GMDS: variants seen among roughly 807,000 people sequenced by gnomAD.
GMDS encodes GDP-mannose 4,6-dehydratase.
Under a neutral mutation model 49.9 loss-of-function variants are expected in GMDS, and 20 were observed. The ratio of observed to expected loss-of-function variants is 0.40; its 90% CI spans 0.28 to 0.58. The LOEUF is 0.58. GMDS is among the 20% of genes least tolerant of loss of function. GMDS has a pLI of 0.42. For missense variants in GMDS, 362 were observed against 481.4 expected (o/e 0.75, Z 2.32); for synonymous variants, 177 against 178.6 (o/e 0.99, Z 0.07).
chr6:2,178,390 G>T (rs1778378629), intron 1 of GMDS, among the ~76,000 whole-genome samples: 1 of 152,120 alleles, frequency 6.6e-6, no homozygotes, highest in Non-Finnish European at 1.5e-5. Context: ...CATGGCCAAA[G>T]CAGGAGGAAG....
At chr6:2,068,743 G>A (rs1434275292) in intron 4 of GMDS, among the ~76,000 whole-genome samples, 6 of 152,116 alleles carry the variant, frequency 3.9e-5, no homozygotes, top group Non-Finnish European at 8.8e-5. Flanking sequence ...AAAACTACAA[G>A]CCACTGCTCA....
chr6:1,683,941 C>T (rs368502960), intron 9 of GMDS, among the ~76,000 whole-genome samples: 1 of 150,206 alleles, frequency 6.7e-6, no homozygotes, highest in African/African-American at 2.4e-5. Context: ...CGCCCTCTAT[C>T]AGCTATGAGG....
At chr6:2,068,995 C>T (rs1771804467) in intron 4 of GMDS, among the ~76,000 whole-genome samples, 1 of 152,318 alleles carries the variant, frequency 6.6e-6, no homozygotes, top group East Asian at 1.9e-4. Context: ...CTGGAGGCAT[C>T]ACACTACCTG....
chr6:1,822,500 A>G (rs1357073021), intron 7 of GMDS, among the ~76,000 whole-genome samples: 1 of 152,224 alleles, frequency 6.6e-6, no homozygotes, highest in Non-Finnish European at 1.5e-5. Flanking sequence ...AAGAGTAGAA[A>G]GGAATCGTGG....
At chr6:1,880,657 C>T (rs879352009) in intron 7 of GMDS, among the ~76,000 whole-genome samples, 2 of 152,156 alleles carry the variant, frequency 1.3e-5, no homozygotes, top group Admixed American at 1.3e-4. Flanking sequence ...AGCAAGTATA[C>T]ACTTCCATGC....
At chr6:2,074,046 T>C (rs1772172253) in intron 4 of GMDS, among the ~76,000 whole-genome samples, 1 of 152,208 alleles carries the variant, frequency 6.6e-6, no homozygotes, top group African/African-American at 2.4e-5. Flanking sequence ...GTAGAATTGA[T>C]GGACAGTATG....
At chr6:1,928,467 G>T (rs1762131605) in intron 7 of GMDS, among the ~76,000 whole-genome samples, 1 of 152,036 alleles carries the variant, frequency 6.6e-6, no homozygotes, top group East Asian at 1.9e-4. Flanking sequence ...AGAAAATAAT[G>T]TATTTTTACA....
rs190444130 is a variant in GMDS, at chr6:1,980,089, G to A, written c.346-19123C>T. On this transcript the variant is annotated intron_variant, in intron 4 of 10. Transcript: ENST00000380815. The stretch of plus-strand genomic sequence containing the variant: ...AAAACCTGTTACCAGTCACTACAAA[G>A]ACATACTGAAGTACACAGACCAGTG... Among the ~76,000 whole-genome samples, 6 of 152,212 alleles carry A rather than the reference G, an allele frequency of 3.9e-5. No individual in the cohort carries two copies. The East Asian group carries it at 1.2e-3, about 29-fold the overall frequency.
intron 4 of GMDS, among the ~76,000 whole-genome samples, chr6:1,976,618 A>T (rs1459165268): frequency 6.6e-6 from 1 of 151,096 alleles, no homozygotes; most frequent in Non-Finnish European, 1.5e-5. Context: ...ACCTGATATA[A>T]GCATATGATT....
In GMDS at chr6:1,833,443, C is replaced by T. The variant is rs914298869; in HGVS notation, c.772-90857G>A. Among the ~76,000 whole-genome samples, 2 of 151,888 alleles carry T rather than the reference C, an allele frequency of 1.3e-5. No individual in the cohort carries two copies. Among genetic ancestry groups the T allele is most frequent in the African/African-American group, 2.4e-5 (1 of 41,444 alleles). On this transcript the variant is annotated intron_variant, in intron 7 of 10. Transcript: ENST00000380815. The surrounding 1 kb of genome is among the most constrained non-coding windows in gnomAD (Gnocchi z 4.4). ...TCATGGCACAATGAGGGGAGGAGGACGCTGTAATAAAAACTTTATAAGGTG... is the reference window on the plus strand; with the variant it reads ...TCATGGCACAATGAGGGGAGGAGGATGCTGTAATAAAAACTTTATAAGGTG...
intron 9 of GMDS, among the ~76,000 whole-genome samples, chr6:1,629,892 C>T (rs1043344355): frequency 3.3e-5 from 5 of 152,112 alleles, no homozygotes; most frequent in East Asian, 1.9e-4. Context: ...CAGAAACCAG[C>T]GACAAAGTCC....
At chr6:1,776,917 G>T (rs186479584) in intron 7 of GMDS, among the ~76,000 whole-genome samples, 25 of 152,300 alleles carry the variant, frequency 1.6e-4, no homozygotes, top group Non-Finnish European at 3.2e-4. Context: ...GTCCTGGGGG[G>T]ATGTGGCCCA....
chr6:2,177,543 A>T (rs1041129075), intron 1 of GMDS, among the ~76,000 whole-genome samples: 3 of 152,232 alleles, frequency 2.0e-5, no homozygotes, highest in Non-Finnish European at 4.4e-5. Context: ...TTCAACATAC[A>T]CAAATCAATA....
chr6:2,186,414 A>T (rs1470290237), intron 1 of GMDS, among the ~76,000 whole-genome samples: 1 of 152,212 alleles, frequency 6.6e-6, no homozygotes, highest in South Asian at 2.1e-4. Flanking sequence ...TCCCAAAATA[A>T]GGCAAAGGGC....
intron 9 of GMDS, among the ~76,000 whole-genome samples, chr6:1,672,268 T>C (rs1764456142): frequency 6.6e-6 from 1 of 152,210 alleles, no homozygotes; most frequent in Non-Finnish European, 1.5e-5. Context: ...CAAGCCGTGA[T>C]GCGTGAATGA....
At chr6:1,742,630 T>A in intron 7 of GMDS, 44 bp from the exon 8 acceptor site, 1 of 1,003,842 alleles carries the variant, frequency 1.0e-6, no homozygotes, top group Non-Finnish European at 1.6e-6. Context: ...TCACACTCAG[T>A]GGCCACACAT....
chr6:1,949,556 C>T (rs1272256312), intron 6 of GMDS, among the ~76,000 whole-genome samples: 1 of 152,174 alleles, frequency 6.6e-6, no homozygotes, highest in African/African-American at 2.4e-5. Context: ...TCAGCACCTG[C>T]ATTAGACCAA....
chr6:2,000,355 G>T (rs2127381149), intron 4 of GMDS, among the ~76,000 whole-genome samples: 1 of 151,490 alleles, frequency 6.6e-6, no homozygotes, highest in South Asian at 2.1e-4. Flanking sequence ...ATATTAACTG[G>T]TTTCTACAAC....
At chr6:2,168,370 A>G (rs1231157816) in intron 1 of GMDS, among the ~76,000 whole-genome samples, 1 of 152,238 alleles carries the variant, frequency 6.6e-6, no homozygotes, top group Non-Finnish European at 1.5e-5. Context: ...CCTGAGATCC[A>G]TGAGTAGAAG....
Sources: allele counts gnomAD v4.1 joint callset (sites outside exome capture counted in the v4.1 genomes callset), GRCh38; gene constraint gnomAD v4.1.1; non-coding constraint Gnocchi (gnomAD v3.1); transcripts MANE v1.5; gene names NCBI Gene and HGNC (gene_info 2026-07-23, HGNC 2026-07-21).